Variants in RHCE observed in about 807,000 individuals in gnomAD.
The protein encoded by RHCE is blood group Rh(CE) polypeptide.
RHCE carries 22 observed loss-of-function variants against 43.8 expected under a neutral mutation model. The observed-to-expected ratio is 0.50, with a 90% CI of 0.36 to 0.72. The LOEUF is 0.72. Ranked by LOEUF, RHCE falls within the 30% of genes least tolerant of loss-of-function variation. The probability of loss-of-function intolerance (pLI) is 0.00; values close to 1 mark genes in which losing one functional copy is unlikely to be tolerated. For synonymous variants in RHCE, 156 were observed against 210.7 expected (o/e 0.74, Z 2.25); for missense variants, 385 against 525.4 (o/e 0.73, Z 2.61).
At chr1:25,374,379 C>A (rs891138360) in intron 8 of RHCE, among the ~76,000 whole-genome samples, 6 of 152,098 alleles carry the variant, frequency 3.9e-5, no homozygotes, top group Non-Finnish European at 5.9e-5. Flanking sequence ...TGAGCCACTG[C>A]ACCTAGCCAC....
chr1:25,415,407 C>T (rs1647313683), intron 1 of RHCE, among the ~76,000 whole-genome samples: 1 of 152,202 alleles, frequency 6.6e-6, no homozygotes, highest in African/African-American at 2.4e-5. Flanking sequence ...AATCCCAGCA[C>T]TTTGGGAGGC....
intron 7 of RHCE, among the ~76,000 whole-genome samples, chr1:25,379,202 A>AC (rs2124357219): frequency 6.7e-6 from 1 of 150,292 alleles, no homozygotes; most frequent in East Asian, 1.9e-4. Context: ...AGAGGGCAAG[A>AC]GCATGTCAGC....
At position 25,392,016 on chromosome 1, in the gene RHCE, T is replaced by C; in HGVS notation, c.612A>G (p.Ile204Met). Residue 204 changes from isoleucine to methionine, a missense_variant, in exon 4 of 10, where the codon ATA becomes ATG. Around this residue, in one of 6 missense-constraint regions of RHCE, gnomAD observed 110 missense variants for 103.4 expected, o/e 1.06. Coordinates refer to ENST00000294413, the MANE Select transcript of RHCE (RefSeq NM_020485.8). The stretch of plus-strand genomic sequence containing the variant: ...TACCCAGCATGGCAGACAAACTGGG[T>C]ATCGTTGCTCTCTGATCATTATCCT... Reference protein sequence around the residue: ...GTEDNDQRATIPSLSAMLGAL... With the variant: ...GTEDNDQRATMPSLSAMLGAL... 6.2e-7 allele frequency: 1 copy of C among 1,614,074 alleles called. No individual in the cohort carries two copies. The highest frequency in any genetic ancestry group is 8.5e-7 in the Non-Finnish European group (1 of 1,180,014).
At chr1:25,377,310 T>C (rs1390484512) in intron 7 of RHCE, among the ~76,000 whole-genome samples, 1 of 151,672 alleles carries the variant, frequency 6.6e-6, no homozygotes, top group Non-Finnish European at 1.5e-5. Flanking sequence ...AGTGGCGTGA[T>C]CTCAGCCTCC....
intron 8 of RHCE, among the ~76,000 whole-genome samples, chr1:25,371,963 T>C (rs753681520): frequency 6.6e-6 from 1 of 151,464 alleles, no homozygotes; most frequent in Non-Finnish European, 1.5e-5. Flanking sequence ...TAGCTTGAAT[T>C]ACTCAGTAAT....
intron 7 of RHCE, among the ~76,000 whole-genome samples, chr1:25,380,963 G>A (rs1193282270): frequency 5.5e-5 from 8 of 146,724 alleles, no homozygotes; most frequent in South Asian, 2.1e-4. Context: ...GTGCAGTGGC[G>A]CGATCTCGGC....
intron 3 of RHCE, among the ~76,000 whole-genome samples, chr1:25,402,348 GTAAC>G (rs1367199345): frequency 6.6e-6 from 1 of 151,996 alleles, no homozygotes; most frequent in African/African-American, 2.4e-5. Context: ...AGCCTCCTGA[GTAAC>G]TGACACTACA....
chr1:25,385,117 G>A (rs1402030855), intron 7 of RHCE, among the ~76,000 whole-genome samples: 1 of 152,166 alleles, frequency 6.6e-6, no homozygotes, highest in Admixed American at 6.5e-5. Flanking sequence ...GCTGTCCACT[G>A]TCTAGGGGCC....
chr1:25,408,027 C>T (rs181050023), intron 2 of RHCE, among the ~76,000 whole-genome samples: 1 of 123,814 alleles, frequency 8.1e-6, no homozygotes, highest in African/African-American at 2.5e-5. Context: ...GTGGCTCATG[C>T]CTGTAATCCC....
At chr1:25,376,590 G>A (rs1645794398) in intron 7 of RHCE, among the ~76,000 whole-genome samples, 1 of 152,154 alleles carries the variant, frequency 6.6e-6, no homozygotes, top group African/African-American at 2.4e-5. Context: ...GGAGAGTGGA[G>A]AGAATTAAAA....
chr1:25,423,749 A>G (rs2042784818), upstream of RHCE, among the ~76,000 whole-genome samples: 1 of 152,220 alleles, frequency 6.6e-6, no homozygotes, highest in Admixed American at 6.5e-5. Flanking sequence ...TCTAGGATAG[A>G]TAAGTCAAAA....
intron 2 of RHCE, among the ~76,000 whole-genome samples, chr1:25,428,088 T>C (rs936835246): frequency 6.6e-6 from 1 of 152,220 alleles, no homozygotes; most frequent in Non-Finnish European, 1.5e-5. Context: ...CTCCGCACTT[T>C]TGCCACAGCA....
At chr1:25,426,275 T>G (rs1232382358) in intron 2 of RHCE, among the ~76,000 whole-genome samples, 2 of 152,254 alleles carry the variant, frequency 1.3e-5, no homozygotes, top group East Asian at 1.9e-4. Flanking sequence ...GTATATCCTT[T>G]CAGATGTTTT....
intron 7 of RHCE, among the ~76,000 whole-genome samples, chr1:25,382,890 CTTA>C (rs1646043953): frequency 6.6e-6 from 1 of 152,098 alleles, no homozygotes; most frequent in South Asian, 2.1e-4. Flanking sequence ...TCCAAATAGA[CTTA>C]TTTTTACATT....
At chr1:25,371,794 A>C (rs569810685) in intron 8 of RHCE, among the ~76,000 whole-genome samples, 1 of 151,674 alleles carries the variant, frequency 6.6e-6, no homozygotes, top group Admixed American at 6.5e-5. Context: ...GAAGCAAGGA[A>C]ATGCTCCTGA....
rs374885350 is a variant in RHCE at position 25,373,514 on chromosome 1, T to C, written c.1153+1835A>G. ...CTCTGCCAAAAGCTAAGGCCAGACA[T>C]TGGTATATTAAAGCAATTCTAGCCA... is the stretch of plus-strand genomic sequence containing the variant. On this transcript the variant is annotated intron_variant, in intron 8 of 9. Transcript: ENST00000294413. 2.0e-5 allele frequency among the ~76,000 whole-genome samples: 3 copies of C among 151,762 alleles called. No individual in the cohort carries two copies. In the East Asian group the frequency reaches 5.8e-4, roughly 29 times the overall value.
chr1:25,386,567 TC>T (rs1423097545), intron 6 of RHCE, among the ~76,000 whole-genome samples: 2 of 152,174 alleles, frequency 1.3e-5, no homozygotes, highest in Non-Finnish European at 2.9e-5. Flanking sequence ...ATGCCTGTAA[TC>T]CCAGCACTTT....
intron 1 of RHCE, among the ~76,000 whole-genome samples, chr1:25,419,237 A>G (rs2042692986): frequency 1.3e-5 from 2 of 152,212 alleles, no homozygotes; most frequent in Non-Finnish European, 2.9e-5. Flanking sequence ...TATCAGTTCT[A>G]ATCATCATGT....
chr1:25,402,198 G>GTCTA lies in RHCE; in HGVS notation c.486+397_486+398insTAGA, dbSNP rs1391378741. 5.4e-3 allele frequency among the ~76,000 whole-genome samples: 735 copies of GTCTA among 135,882 alleles called. 7 individuals are homozygous for GTCTA. Among genetic ancestry groups the GTCTA allele is most frequent in the African/African-American group, 0.018 (664 of 37,242 alleles). 89.1% of individuals were successfully genotyped at this position (135,882 alleles called of 152,430 possible). A position where few individuals can be genotyped will look rare whatever the true frequency, so the allele number is the denominator to read the frequency against. ...AGCCTGTCTGTCTGTCTGTCTGTCTGTCTGTCTGTCTATCTATCTATCTAT... is the reference window on the plus strand; with the variant it reads ...AGCCTGTCTGTCTGTCTGTCTGTCTGTCTATCTGTCTGTCTATCTATCTATCTAT... On this transcript the variant is annotated intron_variant, in intron 3 of 9. Coordinates refer to ENST00000294413, the MANE Select transcript of RHCE (RefSeq NM_020485.8).
Sources: gnomAD v4.1 joint callset for allele counts (sites outside exome capture counted in the v4.1 genomes callset) on GRCh38, gnomAD v4.1.1 for gene constraint, gnomAD v4.1.1 regional missense constraint, MANE v1.5 for transcripts, NCBI Gene and HGNC (gene_info 2026-07-23, HGNC 2026-07-21) for gene names.